Variants in DPP6 observed in about 807,000 individuals in gnomAD.
DPP6 encodes the protein dipeptidyl peptidase like 6, also known as A-type potassium channel modulatory protein DPP6.
DPP6 carries 69 observed loss-of-function variants against 122.6 expected under a neutral mutation model. The observed-to-expected ratio is 0.56, with a 90% CI of 0.46 to 0.69. The LOEUF is 0.69. Among genes scored for constraint, DPP6 ranks in the 30% least tolerant of loss-of-function variants. The pLI is 0.00. For synonymous variants in DPP6, 418 were observed against 433.1 expected (o/e 0.97, Z 0.43); for missense variants, 928 against 1,116.9 (o/e 0.83, Z 2.41).
intron 6 of DPP6, among the ~76,000 whole-genome samples, chr7:154,644,853 T>C (rs1387184): frequency 0.75 from 113,807 of 151,632 alleles, 43,023 homozygotes; most frequent in East Asian, 0.98. Flanking sequence ...TGACTGCAGG[T>C]GCACACCGCC....
chr7:154,515,315 C>A (rs954900568), intron 3 of DPP6, among the ~76,000 whole-genome samples: 13 of 152,204 alleles, frequency 8.5e-5, no homozygotes, highest in Non-Finnish European at 1.9e-4. Context: ...AGATTGTTTC[C>A]TTCCTCATGG....
At chr7:154,542,975 G>A (rs565812476) in intron 4 of DPP6, among the ~76,000 whole-genome samples, 6 of 152,318 alleles carry the variant, frequency 3.9e-5, no homozygotes, top group Middle Eastern at 3.4e-3. Flanking sequence ...TGGAATATGT[G>A]TATGCTCTGT....
intron 1 of DPP6, among the ~76,000 whole-genome samples, chr7:154,277,623 G>C (rs1487832265): frequency 6.6e-6 from 1 of 152,136 alleles, no homozygotes; most frequent in Non-Finnish European, 1.5e-5. Context: ...AGATTAGCCA[G>C]GCATGGTGGC....
At chr7:154,034,490 A>T (rs1021904625) in intron 1 of DPP6, among the ~76,000 whole-genome samples, 5 of 152,116 alleles carry the variant, frequency 3.3e-5, no homozygotes, top group African/African-American at 1.2e-4. Flanking sequence ...GGTCCCCTGA[A>T]GCAAATCTAC....
At chr7:154,007,417 C>T (rs1563095160) in intron 1 of DPP6, among the ~76,000 whole-genome samples, 3 of 152,112 alleles carry the variant, frequency 2.0e-5, no homozygotes, top group South Asian at 4.1e-4. Flanking sequence ...CCCTGAGAAG[C>T]TGCTCTGCTT....
Position 154,062,220 on chromosome 7 carries a change from G to T in DPP6, c.243+9157G>T, listed in dbSNP as rs375073313. On this transcript the variant is annotated intron_variant, in intron 1 of 25. Transcript: ENST00000377770. ...CCACCTGGAGGACTGCGGGTGTTAG[G>T]TGTCCAAGTAGAAAGTTCAAATCTT... Among the ~76,000 whole-genome samples the T allele has an allele frequency of 2.2e-3, 215 of 98,202 alleles. 48 individuals carry two copies. The highest frequency in any genetic ancestry group is 5.4e-3 in the Middle Eastern group (1 of 184). 64.4% of individuals were successfully genotyped at this position (98,202 alleles called of 152,430 possible). A position where few individuals can be genotyped will look rare whatever the true frequency, so the allele number is the denominator to read the frequency against.
chr7:154,682,976 GTTGTT>G (rs1839375558), intron 7 of DPP6, among the ~76,000 whole-genome samples: 1 of 151,728 alleles, frequency 6.6e-6, no homozygotes, highest in Non-Finnish European at 1.5e-5. Flanking sequence ...TTTTTTTGTT[GTTGTT>G]TTGTTTTGTT....
At chr7:154,386,535 T>C (rs1390692828) in intron 1 of DPP6, among the ~76,000 whole-genome samples, 2 of 151,974 alleles carry the variant, frequency 1.3e-5, no homozygotes, top group African/African-American at 2.4e-5. Flanking sequence ...GGCTCACAGG[T>C]TGATGAGAAC....
At chr7:154,108,911 A>G (rs1443630139) in intron 1 of DPP6, among the ~76,000 whole-genome samples, 1 of 152,240 alleles carries the variant, frequency 6.6e-6, no homozygotes, top group Non-Finnish European at 1.5e-5. Context: ...TGAGATTAGA[A>G]AATTGTATTC....
rs373862812 is a variant in DPP6 at position 154,641,076 on chromosome 7, G to A, written c.680+3203G>A. On this transcript the variant is annotated intron_variant, in intron 6 of 25. Coordinates refer to ENST00000377770, the MANE Select transcript of DPP6 (RefSeq NM_130797.4). ...GCAAATGGCAAAAGAGTTTCAGGAC[G>A]GACTACCCCTTTCCCATCCCCCTCT... is the stretch of plus-strand genomic sequence containing the variant. Among the ~76,000 whole-genome samples the A allele has an allele frequency of 6.6e-5, 10 of 152,168 alleles. No homozygotes were observed. In the East Asian group the frequency reaches 9.7e-4, roughly 15 times the overall value.
At chr7:153,848,391 G>A in the DPP6 span, among the ~76,000 whole-genome samples, 14 of 151,788 alleles carry the variant, frequency 9.2e-5, no homozygotes, top group South Asian at 2.7e-3. Context: ...CTTGTTATCT[G>A]CTCTTAGAGA....
chr7:154,438,528 A>G (rs1214772668), intron 1 of DPP6, among the ~76,000 whole-genome samples: 1 of 151,654 alleles, frequency 6.6e-6, no homozygotes, highest in African/African-American at 2.4e-5. Context: ...CTCCTAAAGT[A>G]ACAGGAGTGC....
intron 1 of DPP6, among the ~76,000 whole-genome samples, chr7:154,100,562 C>CT (rs1805659021): frequency 1.2e-5 from 1 of 81,352 alleles, no homozygotes; most frequent in African/African-American, 6.5e-5. Context: ...CCTCTCCTCC[C>CT]TCCCCTCCTT....
the DPP6 span, among the ~76,000 whole-genome samples, chr7:153,842,090 C>T: frequency 6.6e-6 from 1 of 152,126 alleles, no homozygotes; most frequent in African/African-American, 2.4e-5. Context: ...GAACTTATTG[C>T]ATAAACATGT....
chr7:154,091,035 G>A lies in DPP6; in HGVS notation c.243+37972G>A, dbSNP rs552951687. On this transcript the variant is annotated intron_variant, in intron 1 of 25. Transcript: ENST00000377770. ...ACTCGGGAGGCTGAGGCAGGAGAAT[G>A]GTGTGAACCCAGGAGGTGGAGCTTG... Among the ~76,000 whole-genome samples, 262 of 151,720 alleles carry A rather than the reference G, an allele frequency of 1.7e-3. 3 individuals carry two copies. The highest frequency in any genetic ancestry group is 3.4e-3 in the Middle Eastern group (1 of 294).
At position 154,624,188 on chromosome 7, in the gene DPP6, C is replaced by T. The variant is rs1028308154; in HGVS notation, c.628-13633C>T. 2.6e-5 allele frequency among the ~76,000 whole-genome samples: 4 copies of T among 152,092 alleles called. No individual in the cohort carries two copies. The highest frequency in any genetic ancestry group is 7.2e-5 in the African/African-American group (3 of 41,418). ...ACTAAAAATACAAAAATCAGCCAGA[C>T]GTGGTGGCGGGTGCCTATAAATCCA... On this transcript the variant is annotated intron_variant, in intron 5 of 25. Transcript: ENST00000377770. The surrounding 1 kb of genome is among the most constrained non-coding windows in gnomAD (Gnocchi z 4.7).
chr7:154,868,939 C>T lies in DPP6; in HGVS notation c.1813+846C>T, dbSNP rs1804129698. On this transcript the variant is annotated intron_variant, in intron 18 of 25. Coordinates refer to ENST00000377770, the MANE Select transcript of DPP6 (RefSeq NM_130797.4). ...GGTGTCGAATAACTGAGACTTCAAA[C>T]CTTGAAGCTGTCTTTGAGTCATTCA... Among the ~76,000 whole-genome samples the T allele has an allele frequency of 2.0e-5, 3 of 152,330 alleles. No homozygotes were observed. The South Asian group carries it at 6.2e-4, about 32-fold the overall frequency.
chr7:154,240,893 G>C lies in DPP6; in HGVS notation c.243+187830G>C, dbSNP rs113953735. Among the ~76,000 whole-genome samples, 212 of 152,260 alleles carry C rather than the reference G, an allele frequency of 1.4e-3. 1 individual carries two copies. Among genetic ancestry groups the C allele is most frequent in the African/African-American group, 4.7e-3 (194 of 41,550 alleles). On this transcript the variant is annotated intron_variant, in intron 1 of 25. Transcript: ENST00000377770. ...TTTGACCACTTGATTCATTTGAAAT[G>C]AGCAATACTTCCACCTTGACATGAT... is the stretch of plus-strand genomic sequence containing the variant.
At chr7:154,527,307 T>C (rs1048107386) in intron 3 of DPP6, among the ~76,000 whole-genome samples, 5 of 152,228 alleles carry the variant, frequency 3.3e-5, no homozygotes, top group Admixed American at 2.6e-4. Flanking sequence ...TAATAAACTT[T>C]GACCTTTGGG....
Sources: allele counts gnomAD v4.1 joint callset (sites outside exome capture counted in the v4.1 genomes callset), GRCh38; gene constraint gnomAD v4.1.1; non-coding constraint Gnocchi (gnomAD v3.1); transcripts MANE v1.5; gene names NCBI Gene and HGNC (gene_info 2026-07-23, HGNC 2026-07-21).